The following PLCB1 variants were observed in gnomAD, a reference collection of about 807,000 sequenced individuals.
PLCB1 encodes phospholipase C beta 1.
PLCB1 carries 46 observed loss-of-function variants against 161.8 expected under a neutral mutation model. That is an observed-to-expected ratio of 0.28 (90% CI 0.22 to 0.36). PLCB1 has a LOEUF of 0.36. PLCB1 is among the 10% of genes least tolerant of loss of function. The pLI is 1.00. For missense variants in PLCB1, 1,016 were observed against 1,472.5 expected (o/e 0.69, Z 5.07); for synonymous variants, 517 against 503.7 (o/e 1.03, Z -0.35).
intron 31 of PLCB1, among the ~76,000 whole-genome samples, chr20:8,830,548 T>G (rs1985932921): frequency 6.6e-6 from 1 of 152,156 alleles, no homozygotes; most frequent in Admixed American, 6.5e-5. Flanking sequence ...GAATACACAT[T>G]TGGTAGAAAA....
chr20:8,710,762 C>T (rs913054131), intron 12 of PLCB1, among the ~76,000 whole-genome samples: 1 of 151,934 alleles, frequency 6.6e-6, no homozygotes, highest in African/African-American at 2.4e-5. Flanking sequence ...GATCCGCCCA[C>T]CTCGGCCTCC....
chr20:8,804,524 T>G (rs1984431827), intron 31 of PLCB1, among the ~76,000 whole-genome samples: 1 of 152,170 alleles, frequency 6.6e-6, no homozygotes, highest in Non-Finnish European at 1.5e-5. Context: ...AAAATCCCAT[T>G]ATAGCATTTT....
intron 3 of PLCB1, among the ~76,000 whole-genome samples, chr20:8,381,456 A>C (rs973767896): frequency 6.6e-6 from 1 of 152,226 alleles, no homozygotes; most frequent in African/African-American, 2.4e-5. Context: ...TGCTGGCTTC[A>C]TGAAATGAGT....
chr20:8,431,609 A>G (rs771944), intron 3 of PLCB1, among the ~76,000 whole-genome samples: 68,792 of 151,990 alleles, frequency 0.45, 15,962 homozygotes, highest in African/African-American at 0.52. Context: ...GTAAGGGATT[A>G]TAGACATGTA....
chr20:8,311,875 C>T lies in PLCB1; in HGVS notation c.178-59507C>T, dbSNP rs147133196. 1.5e-3 allele frequency among the ~76,000 whole-genome samples: 232 copies of T among 152,182 alleles called. 1 individual carries two copies. Among genetic ancestry groups the T allele is most frequent in the African/African-American group, 5.4e-3 (226 of 41,524 alleles). On this transcript the variant is annotated intron_variant, in intron 2 of 31. Transcript: ENST00000338037. ...ACAAAAACACATATACAGTTGTGGG[C>T]CCAGAATTGGAGTGATGAGAAGACC...
At chr20:8,576,824 A>G (rs1600164560) in intron 3 of PLCB1, among the ~76,000 whole-genome samples, 1 of 152,190 alleles carries the variant, frequency 6.6e-6, no homozygotes, top group African/African-American at 2.4e-5. Context: ...TTTAAGTTGT[A>G]GCCATCAATT....
At chr20:8,761,905 G>T (rs891029626) in intron 25 of PLCB1, among the ~76,000 whole-genome samples, 1 of 146,432 alleles carries the variant, frequency 6.8e-6, no homozygotes, top group African/African-American at 2.5e-5. Context: ...AACAAAACAT[G>T]TTTTTAAAAG....
At chr20:8,689,925 A>G (rs1192225597) in intron 10 of PLCB1, among the ~76,000 whole-genome samples, 1 of 54,432 alleles carries the variant, frequency 1.8e-5, no homozygotes, top group East Asian at 4.6e-4. Context: ...AAAAGGGTTT[A>G]CCTTTTTTAT....
At chr20:8,197,749 C>A (rs1245782025) in intron 2 of PLCB1, among the ~76,000 whole-genome samples, 54 of 152,136 alleles carry the variant, frequency 3.5e-4, no homozygotes, top group Non-Finnish European at 4.4e-4. Flanking sequence ...CTATGTCCTG[C>A]ATGGTATTGC....
At chr20:8,520,145 A>G (rs1489678362) in intron 3 of PLCB1, among the ~76,000 whole-genome samples, 1 of 152,304 alleles carries the variant, frequency 6.6e-6, no homozygotes, top group African/African-American at 2.4e-5. Context: ...CTGAAGAAAA[A>G]CTGTTAGTGG....
Position 8,800,890 on chromosome 20 carries a change from C to A in PLCB1, c.3423+10629C>A, listed in dbSNP as rs549748054. On this transcript the variant is annotated intron_variant, in intron 31 of 31. Transcript: ENST00000338037. ...TGTTGAGTACCAACTGCAGTGCAAT[C>A]ACTTTAGTCAAAGCCTCCATCATCT... is the stretch of plus-strand genomic sequence containing the variant. 1.8e-3 allele frequency among the ~76,000 whole-genome samples: 269 copies of A among 152,264 alleles called. 2 individuals are homozygous for A. The highest frequency in any genetic ancestry group is 3.0e-3 in the Non-Finnish European group (205 of 68,022).
chr20:8,436,569 T>A (rs188802650), intron 3 of PLCB1, among the ~76,000 whole-genome samples: 184 of 152,064 alleles, frequency 1.2e-3, no homozygotes, highest in Non-Finnish European at 1.9e-3. Context: ...TTTTCTCTCT[T>A]CTCTGTCTCT....
intron 3 of PLCB1, among the ~76,000 whole-genome samples, chr20:8,554,476 A>G (rs1384298507): frequency 6.6e-6 from 1 of 152,148 alleles, no homozygotes; most frequent in Non-Finnish European, 1.5e-5. Context: ...TCTCAAAATT[A>G]TAGTGTTTTT....
chr20:8,540,312 T>C (rs1173543750), intron 3 of PLCB1, among the ~76,000 whole-genome samples: 3 of 152,194 alleles, frequency 2.0e-5, no homozygotes, highest in Non-Finnish European at 4.4e-5. Flanking sequence ...TCTCTTTTTT[T>C]TACTTTTCTG....
intron 3 of PLCB1, among the ~76,000 whole-genome samples, chr20:8,500,128 TTTAGCAGA>T (rs1983343253): frequency 6.6e-6 from 1 of 152,208 alleles, no homozygotes; most frequent in African/African-American, 2.4e-5. Flanking sequence ...TAGTGATTTG[TTTAGCAGA>T]TTATTAATTT....
intron 9 of PLCB1, among the ~76,000 whole-genome samples, chr20:8,684,233 T>A (rs200339996): frequency 2.6e-5 from 1 of 38,456 alleles, no homozygotes; most frequent in Non-Finnish European, 5.1e-5. Flanking sequence ...TTGTAAATTA[T>A]TTATTTATTT....
chr20:8,191,378 C>T (rs1465438947), intron 2 of PLCB1, among the ~76,000 whole-genome samples: 1 of 151,904 alleles, frequency 6.6e-6, no homozygotes, highest in East Asian at 1.9e-4. Flanking sequence ...CATTTTTTTC[C>T]ATCTGCTACC....
intron 3 of PLCB1, among the ~76,000 whole-genome samples, chr20:8,553,408 A>G (rs1283498924): frequency 2.0e-5 from 3 of 152,200 alleles, no homozygotes; most frequent in African/African-American, 7.2e-5. Flanking sequence ...GTTTCTTGAA[A>G]TAAAGTGAGC....
chr20:8,210,177 T>C (rs895915763), intron 2 of PLCB1, among the ~76,000 whole-genome samples: 1 of 152,172 alleles, frequency 6.6e-6, no homozygotes, highest in Non-Finnish European at 1.5e-5. Flanking sequence ...AAAAAATTAT[T>C]TCATGTGTCT....
Sources: gnomAD v4.1 joint callset for allele counts (sites outside exome capture counted in the v4.1 genomes callset) on GRCh38, gnomAD v4.1.1 for gene constraint, MANE v1.5 for transcripts, NCBI Gene and HGNC (gene_info 2026-07-23, HGNC 2026-07-21) for gene names.